TUBGCP2: variants seen among roughly 807,000 people sequenced by gnomAD.
TUBGCP2 encodes the protein tubulin gamma complex component 2, also known as gamma-tubulin complex component 2.
In TUBGCP2, 55 loss-of-function variants were observed where a neutral mutation model predicts 92.2. That is an observed-to-expected ratio of 0.60 (90% confidence interval 0.48 to 0.75). The LOEUF (loss-of-function observed/expected upper bound fraction) is 0.75. Ranked by LOEUF, TUBGCP2 falls within the 30% of genes least tolerant of loss-of-function variation. The pLI is 0.00. For missense variants in TUBGCP2, 1,093 were observed against 1,188.9 expected, an observed-to-expected ratio of 0.92 and a Z score of 1.19; for synonymous variants, 533 against 505.2, an observed-to-expected ratio of 1.06 and a Z score of -0.74.
At chr10:133,283,056 G>A (rs898105242) in intron 15 of TUBGCP2, 22 bp downstream of exon 15, 1 of 1,612,868 alleles carries the variant, frequency 6.2e-7, no homozygotes, top group South Asian at 1.1e-5. Flanking sequence ...CCCACCCGAT[G>A]GTGCTACCCA....
chr10:133,291,999 GCACCCTC>G lies in TUBGCP2; in HGVS notation c.1214+493_1214+499del. ...CTACCTGTACGGGAGAGGGCAGCACGCACCCTCCGTGTCCCCCATGTCCCTCTGTGTC... is the reference window on the plus strand; with the variant it reads ...CTACCTGTACGGGAGAGGGCAGCACGCGTGTCCCCCATGTCCCTCTGTGTC... On this transcript the variant is annotated intron_variant, in intron 8 of 17. Transcript: ENST00000252936. Among the ~76,000 whole-genome samples the G allele has an allele frequency of 1.2e-4, 2 of 16,100 alleles. 1 individual carries two copies. Among genetic ancestry groups the G allele is most frequent in the African/African-American group, 4.3e-4 (2 of 4,696 alleles). 10.6% of individuals were successfully genotyped at this position (16,100 alleles called of 152,430 possible).
At chr10:133,309,489 A>C, upstream of TUBGCP2, 1 of 1,607,008 alleles carries the variant, frequency 6.2e-7, no homozygotes, top group Non-Finnish European at 8.5e-7. Flanking sequence ...GTGCCTAGCC[A>C]GTGCTACTCC....
At chr10:133,309,344 G>A (rs891090442), upstream of TUBGCP2, 4 of 1,588,420 alleles carry the variant, frequency 2.5e-6, no homozygotes, top group Admixed American at 1.7e-5. Flanking sequence ...CGCGGTGGGC[G>A]TGCCGCGAGT....
At chr10:133,281,228 T>C (rs758925074) in intron 17 of TUBGCP2, 45 bp downstream of exon 17, 17 of 1,597,684 alleles carry the variant, frequency 1.1e-5, no homozygotes, top group Middle Eastern at 2.2e-4. Flanking sequence ...GGGCAGGCGC[T>C]GGACTGAGCT....
chr10:133,309,675 C>G, upstream of TUBGCP2: 5 of 1,399,422 alleles, frequency 3.6e-6, no homozygotes, highest in Non-Finnish European at 5.0e-6. Flanking sequence ...GCAAAAGATG[C>G]ATAGGGGCTT....
chr10:133,285,328 G>C lies in TUBGCP2; in HGVS notation c.1896-115C>G. On this transcript the variant is annotated intron_variant, in intron 12 of 17. Coordinates refer to ENST00000252936, the MANE Select transcript of TUBGCP2 (RefSeq NM_006659.4). The surrounding 1 kb of genome is among the most constrained non-coding windows in gnomAD (Gnocchi z 6.8). ...CCCCCGGACAGCCCGTGAATCTCTC[G>C]GACACTGAAGGCCGGGGAGAGCCGC... 2.5e-6 allele frequency: 4 copies of C among 1,587,174 alleles called. No individual in the cohort carries two copies. The highest frequency in any genetic ancestry group is 3.4e-6 in the Non-Finnish European group (4 of 1,169,050).
intron 13 of TUBGCP2, among the ~76,000 whole-genome samples, chr10:133,284,758 C>T (rs909590316): frequency 2.0e-5 from 3 of 152,234 alleles, no homozygotes; most frequent in Admixed American, 6.5e-5. Flanking sequence ...CAAGATGTGG[C>T]TGTCCGCTCT....
intron 2 of TUBGCP2, among the ~76,000 whole-genome samples, chr10:133,300,802 G>A: frequency 6.6e-6 from 1 of 152,218 alleles, no homozygotes. Flanking sequence ...TTGTACTGGA[G>A]AGTAGCGACT....
At chr10:133,281,462 G>A in intron 16 of TUBGCP2, 26 bp from the exon 17 acceptor site, 9 of 1,606,020 alleles carry the variant, frequency 5.6e-6, no homozygotes, top group Non-Finnish European at 7.6e-6. Context: ...GGGTGCGTGA[G>A]CCATGCCCAC....
chr10:133,310,198 T>C (rs1847958197), upstream of TUBGCP2: 5 of 1,613,732 alleles, frequency 3.1e-6, no homozygotes, highest in Admixed American at 8.3e-5. Flanking sequence ...ACAGAGAAGT[T>C]CAAGACCAGC....
At chr10:133,304,188 G>A (rs1847751354) in intron 1 of TUBGCP2, among the ~76,000 whole-genome samples, 1 of 152,136 alleles carries the variant, frequency 6.6e-6, no homozygotes, top group African/African-American at 2.4e-5. Context: ...AAAATTAACT[G>A]GGCATGGTAG....
chr10:133,301,609 T>C (rs1347588796), intron 2 of TUBGCP2: 1 of 152,084 alleles, frequency 6.6e-6, no homozygotes, highest in Non-Finnish European at 1.5e-5. Context: ...AAATCATTTT[T>C]ACTGAAAATC....
In TUBGCP2 at chr10:133,288,994, ACT is replaced by A. The variant is rs768294210; in HGVS notation, c.1385_1386del (p.Glu462ValfsTer4). 29 of 1,613,042 alleles carry A rather than the reference ACT, an allele frequency of 1.8e-5. No individual in the cohort carries two copies. Among genetic ancestry groups the A allele is most frequent in the African/African-American group, 4.0e-5 (3 of 74,826 alleles). On this transcript the variant is annotated frameshift_variant, in exon 10 of 18. Transcript: ENST00000252936. LOFTEE classifies it high-confidence loss of function. Reference sequence around the variant, plus strand: ...ACCGGGCAGGTGACGTCATGGCCACACTCTCTGACCACATTTAGATATTTTCC... The same window carrying A: ...ACCGGGCAGGTGACGTCATGGCCACACTCTGACCACATTTAGATATTTTCC... The part of the protein sequence containing the change: ...STGKYLNVVR[E>X]CGHDVTCPVA...
At chr10:133,299,021 G>A (rs900402534) in intron 4 of TUBGCP2, among the ~76,000 whole-genome samples, 1 of 152,202 alleles carries the variant, frequency 6.6e-6, no homozygotes, top group South Asian at 2.1e-4. Context: ...AATACAGAAG[G>A]AATAATAAAA....
chr10:133,309,425 CG>C, upstream of TUBGCP2: 1 of 1,612,540 alleles, frequency 6.2e-7, no homozygotes, highest in Non-Finnish European at 8.5e-7. Flanking sequence ...ACCTCCAGGA[CG>C]TGATCATGCA....
At chr10:133,307,809 G>A (rs1847861497) in intron 1 of TUBGCP2, among the ~76,000 whole-genome samples, 1 of 152,332 alleles carries the variant, frequency 6.6e-6, no homozygotes, top group East Asian at 1.9e-4. Flanking sequence ...AGAGTCACTC[G>A]CAGACCTGGA....
At chr10:133,289,391 T>C (rs1847214848) in intron 9 of TUBGCP2, among the ~76,000 whole-genome samples, 1 of 152,236 alleles carries the variant, frequency 6.6e-6, no homozygotes, top group Non-Finnish European at 1.5e-5. Context: ...ACGGCCCCGA[T>C]GTGCCGAGTC....
In TUBGCP2 at chr10:133,279,542, A is replaced by G; in HGVS notation, c.*224T>C. ...CCAAAAAGGTGATAGTGTAATTTCA[A>G]AAAGCAAACAGATTAGCAAATCCAG... On this transcript the variant is annotated 3_prime_UTR_variant, in exon 18 of 18. Coordinates refer to ENST00000252936, the MANE Select transcript of TUBGCP2 (RefSeq NM_006659.4). The G allele has an allele frequency of 3.1e-6, 2 of 647,420 alleles. 1 individual carries two copies. The highest frequency in any genetic ancestry group is 5.2e-5 in the South Asian group (2 of 38,180). The allele number at this position is 647,420 out of a possible 1,614,324, so 40.1% of individuals were successfully genotyped here. A position where few individuals can be genotyped will look rare whatever the true frequency, so the allele number is the denominator to read the frequency against.
upstream of TUBGCP2, chr10:133,310,237 T>G: frequency 1.2e-6 from 2 of 1,614,002 alleles, no homozygotes; most frequent in Non-Finnish European, 8.5e-7. Context: ...ATGGTGAGGA[T>G]GCACCTGTAC....
Sources: allele counts gnomAD v4.1 joint callset (sites outside exome capture counted in the v4.1 genomes callset), GRCh38; gene constraint gnomAD v4.1.1; non-coding constraint Gnocchi (gnomAD v3.1); transcripts MANE v1.5; gene names NCBI Gene and HGNC (gene_info 2026-07-23, HGNC 2026-07-21).